PTK2: variants seen among roughly 807,000 people sequenced by gnomAD.
The protein encoded by PTK2 is protein tyrosine kinase 2.
A neutral mutation model predicts 150.1 loss-of-function variants in PTK2; 45 were observed. That is an observed-to-expected ratio of 0.30 (90% CI 0.24 to 0.38). The LOEUF is 0.38. PTK2 is among the 10% of genes least tolerant of loss of function. PTK2 has a pLI of 1.00. For synonymous variants in PTK2, 432 were observed against 449.2 expected (o/e 0.96, Z 0.48); for missense variants, 919 against 1,307.3 (o/e 0.70, Z 4.58).
intron 27 of PTK2, among the ~76,000 whole-genome samples, chr8:140,683,298 C>G (rs58022111): frequency 0.039 from 5,870 of 152,116 alleles, 372 homozygotes; most frequent in African/African-American, 0.13. Flanking sequence ...CAAGACTGAG[C>G]CAGGAAGAAA....
chr8:140,952,715 A>C (rs1347318608), intron 1 of PTK2, among the ~76,000 whole-genome samples: 1 of 152,208 alleles, frequency 6.6e-6, no homozygotes, highest in East Asian at 1.9e-4. Context: ...CACAAAAGAG[A>C]TTTATAAATA....
chr8:140,706,836 G>A (rs1043303648), intron 23 of PTK2, among the ~76,000 whole-genome samples: 1 of 152,130 alleles, frequency 6.6e-6, no homozygotes, highest in Non-Finnish European at 1.5e-5. Flanking sequence ...TTAGAGGCCA[G>A]CCTGGGCAAC....
chr8:140,693,048 T>C (rs2100024155), intron 26 of PTK2, among the ~76,000 whole-genome samples: 1 of 152,168 alleles, frequency 6.6e-6, no homozygotes, highest in South Asian at 2.1e-4. Context: ...TAGAAAATTA[T>C]TGTGCATGCA....
chr8:140,744,231 C>A (rs1057488548), intron 19 of PTK2, among the ~76,000 whole-genome samples: 1 of 152,008 alleles, frequency 6.6e-6, no homozygotes. Context: ...AGAATGCCAA[C>A]AGATGTCACT....
chr8:140,983,363 A>G (rs2100192152), intron 1 of PTK2, among the ~76,000 whole-genome samples: 1 of 144,628 alleles, frequency 6.9e-6, no homozygotes, highest in Admixed American at 7.0e-5. Context: ...CCTGGGCAAC[A>G]GAGTAAGACT....
chr8:140,822,487 T>C (rs2100109333), intron 8 of PTK2: 1 of 152,138 alleles, frequency 6.6e-6, no homozygotes, highest in African/African-American at 2.4e-5. Flanking sequence ...TTTTCATATA[T>C]TACTGAGCAA....
chr8:140,927,975 A>AAAAAAAAAAAAAAAAATATATATATATAT, intron 1 of PTK2, among the ~76,000 whole-genome samples: 1 of 48,196 alleles, frequency 2.1e-5, no homozygotes, highest in Admixed American at 3.9e-4. Context: ...AAAAAAAAAA[A>AAAAAAAAAAAAAAAAATATATATATATAT]ATATATATAT....
exon 29 of PTK2, chr8:140,674,335 A>G (rs2100012319): frequency 6.2e-7 from 1 of 1,607,970 alleles, no homozygotes; most frequent in East Asian, 2.2e-5. Flanking sequence ...AGGGCTGCTG[A>G]GGCTGGCAAG....
At chr8:140,746,958 T>C (rs2100059254) in intron 17 of PTK2, 98 bp from the exon 21 acceptor site, 3 of 775,230 alleles carry the variant, frequency 3.9e-6, no homozygotes, top group Non-Finnish European at 6.0e-6. Context: ...TGGTACAATC[T>C]CGACTCATTG....
At chr8:140,818,312 C>G in exon 10 of PTK2, 1 of 1,614,130 alleles carries the variant, frequency 6.2e-7, no homozygotes, top group Non-Finnish European at 8.5e-7. Flanking sequence ...CTGATTCCTT[C>G]TTCTGGGCCG....
chr8:140,705,497 G>A (rs2100033181), intron 24 of PTK2, among the ~76,000 whole-genome samples: 1 of 152,190 alleles, frequency 6.6e-6, no homozygotes, highest in Admixed American at 6.5e-5. Flanking sequence ...GGGGCACAAA[G>A]GAACTGCCGG....
At chr8:140,981,049 C>A (rs369631006) in intron 1 of PTK2, among the ~76,000 whole-genome samples, 48 of 149,342 alleles carry the variant, frequency 3.2e-4, no homozygotes, top group African/African-American at 1.1e-3. Flanking sequence ...CATGAGCCAC[C>A]GCACCCAGCC....
At chr8:140,907,988 C>T (rs887395584) in intron 2 of PTK2, among the ~76,000 whole-genome samples, 4 of 152,072 alleles carry the variant, frequency 2.6e-5, no homozygotes, top group African/African-American at 7.2e-5. Context: ...TTAAATCAAA[C>T]GCTAGAAATG....
chr8:141,001,736 G>A (rs1214213577), upstream of PTK2, among the ~76,000 whole-genome samples: 2 of 152,168 alleles, frequency 1.3e-5, no homozygotes, highest in Admixed American at 1.3e-4. Context: ...TTGGACGCCC[G>A]CTGTCGGGCA....
intron 2 of PTK2, among the ~76,000 whole-genome samples, chr8:140,920,420 A>C (rs965045566): frequency 5.9e-5 from 9 of 152,162 alleles, no homozygotes; most frequent in Non-Finnish European, 8.8e-5. Context: ...GAGTAAAGAA[A>C]ACTAATTTTT....
At chr8:140,971,410 A>G (rs2100187229) in intron 1 of PTK2, among the ~76,000 whole-genome samples, 1 of 152,214 alleles carries the variant, frequency 6.6e-6, no homozygotes, top group Admixed American at 6.5e-5. Flanking sequence ...TTTGTCAGAA[A>G]TAGAAACTGA....
chr8:140,885,736 G>A lies in PTK2; in HGVS notation c.195+4807C>T, dbSNP rs115745035. ...GGGGATTTAAGCAAATCACTGATTC[G>A]GTGATTAGTATGTTAGAGAAACAGG... On this transcript the variant is annotated intron_variant, in intron 3 of 31. Transcript: ENST00000522684. Among the ~76,000 whole-genome samples, 657 of 152,162 alleles carry A rather than the reference G, an allele frequency of 4.3e-3. 4 individuals are homozygous for A. The highest frequency in any genetic ancestry group is 0.015 in the African/African-American group (626 of 41,508).
intron 4 of PTK2, among the ~76,000 whole-genome samples, chr8:140,877,313 T>C (rs1007277550): frequency 7.9e-5 from 12 of 152,312 alleles, no homozygotes; most frequent in Non-Finnish European, 1.5e-4. Context: ...GGATTGCAGA[T>C]GTGGGCCACC....
chr8:140,699,354 C>A (rs2100028841), intron 26 of PTK2, among the ~76,000 whole-genome samples: 1 of 152,088 alleles, frequency 6.6e-6, no homozygotes, highest in South Asian at 2.1e-4. Context: ...TGGGTTCTCA[C>A]AGTCCTTAGT....
Sources: allele counts gnomAD v4.1 joint callset (sites outside exome capture counted in the v4.1 genomes callset), GRCh38; gene constraint gnomAD v4.1.1; transcripts MANE v1.5; gene names NCBI Gene and HGNC (gene_info 2026-07-23, HGNC 2026-07-21).